The following CAMK1D variants were observed in gnomAD, a reference collection of about 807,000 sequenced individuals.
The protein encoded by CAMK1D is calcium/calmodulin dependent protein kinase ID.
In CAMK1D, 9 loss-of-function variants were observed where a neutral mutation model predicts 47.7. The ratio of observed to expected loss-of-function variants is 0.19; its 90% CI spans 0.11 to 0.33. CAMK1D has a LOEUF of 0.33. Ranked by LOEUF, CAMK1D falls within the 10% of genes least tolerant of loss-of-function variation. CAMK1D has a pLI of 1.00. For missense variants in CAMK1D, 291 were observed against 488.7 expected (o/e 0.60, Z 3.81); for synonymous variants, 184 against 184.9 (o/e 0.99, Z 0.04).
At chr10:12,424,196 A>G (rs1840150256) in intron 1 of CAMK1D, among the ~76,000 whole-genome samples, 2 of 151,954 alleles carry the variant, frequency 1.3e-5, no homozygotes, top group African/African-American at 4.8e-5. Flanking sequence ...CTGCTCCTGG[A>G]TACCTCTAAG....
chr10:12,758,001 G>A (rs1329472805), intron 3 of CAMK1D, among the ~76,000 whole-genome samples: 2 of 151,894 alleles, frequency 1.3e-5, no homozygotes, highest in Non-Finnish European at 1.5e-5. Context: ...ACCGGCACCC[G>A]CCATCATGCC....
At chr10:12,633,126 G>A (rs1041912166) in intron 2 of CAMK1D, among the ~76,000 whole-genome samples, 1 of 152,222 alleles carries the variant, frequency 6.6e-6, no homozygotes, top group Non-Finnish European at 1.5e-5. Flanking sequence ...CACAGGAGCT[G>A]AGCGTGGCGG....
At chr10:12,456,304 A>G (rs1833241118) in intron 1 of CAMK1D, among the ~76,000 whole-genome samples, 1 of 152,172 alleles carries the variant, frequency 6.6e-6, no homozygotes, top group Admixed American at 6.5e-5. Flanking sequence ...ATAAAAATTT[A>G]ATTCCACCCA....
At chr10:12,631,039 G>T (rs541099233) in intron 2 of CAMK1D, among the ~76,000 whole-genome samples, 1 of 152,288 alleles carries the variant, frequency 6.6e-6, no homozygotes, top group Admixed American at 6.5e-5. Flanking sequence ...TGGAAAGTAT[G>T]CAGTGATTTA....
chr10:12,689,818 T>A (rs1832804043), intron 3 of CAMK1D, among the ~76,000 whole-genome samples: 2 of 152,072 alleles, frequency 1.3e-5, no homozygotes, highest in Admixed American at 1.3e-4. Context: ...CTGCTATTTA[T>A]AATTTAAAAT....
intron 2 of CAMK1D, among the ~76,000 whole-genome samples, chr10:12,656,275 A>T (rs1420641128): frequency 6.6e-6 from 1 of 152,188 alleles, no homozygotes; most frequent in African/African-American, 2.4e-5. Flanking sequence ...GGGTGCTATT[A>T]AGAAAATACC....
chr10:12,809,600 C>CA (rs1467164878), intron 6 of CAMK1D, among the ~76,000 whole-genome samples: 5 of 152,204 alleles, frequency 3.3e-5, no homozygotes, highest in African/African-American at 9.6e-5. Flanking sequence ...ACCTTGAGGA[C>CA]ATTGACACAG....
At chr10:12,707,295 T>C (rs563818727) in intron 3 of CAMK1D, among the ~76,000 whole-genome samples, 4 of 152,326 alleles carry the variant, frequency 2.6e-5, no homozygotes, top group African/African-American at 9.6e-5. Context: ...ATATCAGAAG[T>C]AGTATTATAA....
At chr10:12,355,480 G>A (rs556014204) in intron 1 of CAMK1D, among the ~76,000 whole-genome samples, 8 of 151,006 alleles carry the variant, frequency 5.3e-5, no homozygotes, top group East Asian at 2.0e-4. Context: ...GTGTGTGCGC[G>A]CGCGTGCGTG....
chr10:12,738,159 A>G (rs551082309), intron 3 of CAMK1D, among the ~76,000 whole-genome samples: 2 of 152,374 alleles, frequency 1.3e-5, no homozygotes, highest in Admixed American at 1.3e-4. Flanking sequence ...TAATTAAAAG[A>G]TAAATGTCAA....
intron 1 of CAMK1D, among the ~76,000 whole-genome samples, chr10:12,472,591 C>A (rs1432523800): frequency 6.6e-6 from 1 of 152,102 alleles, no homozygotes; most frequent in African/African-American, 2.4e-5. Flanking sequence ...GTGACATGAT[C>A]TCGGCTCACT....
rs531058089 is a variant in CAMK1D, at chr10:12,505,783, T to C, written c.93-47442T>C. Among the ~76,000 whole-genome samples, 4 of 152,336 alleles carry C rather than the reference T, an allele frequency of 2.6e-5. No individual in the cohort carries two copies. The South Asian group carries it at 8.3e-4, about 32-fold the overall frequency. On this transcript the variant is annotated intron_variant, in intron 1 of 10. Transcript: ENST00000619168. ...CTTTATTAGGGCCAGGACTTGATGC[T>C]CTAGCGTGTACCAGATGCTAAAGAA...
intron 3 of CAMK1D, among the ~76,000 whole-genome samples, chr10:12,681,444 G>GCCTGCAGCCTCCGCT (rs1840991763): frequency 6.6e-6 from 1 of 152,242 alleles, no homozygotes. Flanking sequence ...CAGCGCAGCT[G>GCCTGCAGCCTCCGCT]CCTGCAGCCT....
At position 12,658,872 on chromosome 10, in the gene CAMK1D, G is replaced by A. The variant is rs1242568138; in HGVS notation, c.225-7864G>A. On this transcript the variant is annotated intron_variant, in intron 2 of 10. Coordinates refer to ENST00000619168, the MANE Select transcript of CAMK1D (RefSeq NM_153498.4). ...CTTTGCACTCATTCTCCAAGCCCAC[G>A]TGTGATCCGATTTTTCCGGTACACC... 7.2e-5 allele frequency among the ~76,000 whole-genome samples: 11 copies of A among 152,096 alleles called. 1 individual carries two copies. The East Asian group carries it at 1.7e-3, about 24-fold the overall frequency.
intron 3 of CAMK1D, among the ~76,000 whole-genome samples, chr10:12,709,135 G>A (rs1312607119): frequency 6.6e-6 from 1 of 152,190 alleles, no homozygotes; most frequent in Admixed American, 6.5e-5. Flanking sequence ...CTATGTGGGG[G>A]GCGGGTGAGA....
chr10:12,498,300 CT>C (rs1834601748), intron 1 of CAMK1D, among the ~76,000 whole-genome samples: 1 of 152,176 alleles, frequency 6.6e-6, no homozygotes, highest in East Asian at 1.9e-4. Flanking sequence ...AACCCTGGAC[CT>C]GGGGCTCCAA....
chr10:12,363,765 T>G (rs1172594266), intron 1 of CAMK1D, among the ~76,000 whole-genome samples: 1 of 150,866 alleles, frequency 6.6e-6, no homozygotes, highest in Non-Finnish European at 1.5e-5. Context: ...ACCTCCCAGG[T>G]TCAAGTGATT....
At chr10:12,782,174 T>C (rs914092654) in intron 5 of CAMK1D, among the ~76,000 whole-genome samples, 1 of 152,200 alleles carries the variant, frequency 6.6e-6, no homozygotes, top group African/African-American at 2.4e-5. Flanking sequence ...AACGCTCCTG[T>C]GTTTCAGCCT....
At chr10:12,691,117 A>G (rs1384607406) in intron 3 of CAMK1D, among the ~76,000 whole-genome samples, 1 of 151,988 alleles carries the variant, frequency 6.6e-6, no homozygotes, top group Non-Finnish European at 1.5e-5. Context: ...CAAAGAGGGT[A>G]TCTGGAAACT....
Sources: gnomAD v4.1 joint callset for allele counts (sites outside exome capture counted in the v4.1 genomes callset) on GRCh38, gnomAD v4.1.1 for gene constraint, MANE v1.5 for transcripts, NCBI Gene and HGNC (gene_info 2026-07-23, HGNC 2026-07-21) for gene names.